Variants in CDH13 observed in about 807,000 individuals in gnomAD.
The protein encoded by CDH13 is cadherin-13.
A neutral mutation model predicts 63.8 loss-of-function variants in CDH13; 24 were observed. That is an observed-to-expected ratio of 0.38 (90% CI 0.27 to 0.53). The LOEUF is 0.53. Ranked by LOEUF, CDH13 falls within the 20% of genes least tolerant of loss-of-function variation. The pLI is 0.85. For synonymous variants in CDH13, 503 were observed against 355.3 expected (o/e 1.42, Z -4.67); for missense variants, 1,049 against 903.1 (o/e 1.16, Z -2.07).
intron 10 of CDH13, among the ~76,000 whole-genome samples, chr16:83,693,298 G>T (rs1905078170): frequency 6.6e-6 from 1 of 152,160 alleles, no homozygotes; most frequent in South Asian, 2.1e-4. Context: ...CAGAATAAAA[G>T]AATTCAGGGA....
chr16:83,306,902 A>G (rs999900448), intron 5 of CDH13, among the ~76,000 whole-genome samples: 24 of 152,354 alleles, frequency 1.6e-4, no homozygotes, highest in African/African-American at 5.8e-4. Context: ...GGCTAAGACA[A>G]TCAGACCTAT....
intron 5 of CDH13, among the ~76,000 whole-genome samples, chr16:83,224,766 G>A (rs1266613900): frequency 6.6e-6 from 1 of 152,168 alleles, no homozygotes; most frequent in Admixed American, 6.5e-5. Context: ...CTCATTTTTA[G>A]AATGAGAGTG....
chr16:83,436,124 C>T (rs2072293556), intron 6 of CDH13, among the ~76,000 whole-genome samples: 1 of 152,090 alleles, frequency 6.6e-6, no homozygotes, highest in African/African-American at 2.4e-5. Flanking sequence ...GATTTGGTTC[C>T]AAATGTCACC....
chr16:83,415,375 C>T (rs138378369), intron 6 of CDH13, among the ~76,000 whole-genome samples: 24 of 152,226 alleles, frequency 1.6e-4, no homozygotes, highest in African/African-American at 4.1e-4. Context: ...CAAACTCTTC[C>T]GAACAGCTGG....
At chr16:82,675,295 A>T (rs936934223) in intron 1 of CDH13, among the ~76,000 whole-genome samples, 2 of 152,062 alleles carry the variant, frequency 1.3e-5, no homozygotes. Flanking sequence ...TCATAAATTT[A>T]TCTAGCCCAT....
At chr16:82,775,566 A>G (rs2035455581) in intron 1 of CDH13, among the ~76,000 whole-genome samples, 1 of 152,204 alleles carries the variant, frequency 6.6e-6, no homozygotes, top group African/African-American at 2.4e-5. Flanking sequence ...GCTATGGGAA[A>G]GGTACTCTGT....
chr16:83,028,671 T>C (rs2151467488), intron 2 of CDH13, among the ~76,000 whole-genome samples: 1 of 152,294 alleles, frequency 6.6e-6, no homozygotes, highest in African/African-American at 2.4e-5. Flanking sequence ...CACAGTAAAA[T>C]ATTAACAACA....
intron 7 of CDH13, 24 bp from the exon 8 acceptor site, chr16:83,602,430 T>C: frequency 6.2e-7 from 1 of 1,613,744 alleles, no homozygotes; most frequent in Non-Finnish European, 8.5e-7. Flanking sequence ...TGTCATATTA[T>C]TTCTTTGTGC....
rs141412650 is a variant in CDH13, at chr16:82,660,811, C to G, written c.45+33674C>G. On this transcript the variant is annotated intron_variant, in intron 1 of 13. Coordinates refer to ENST00000567109, the MANE Select transcript of CDH13 (RefSeq NM_001257.5). Reference sequence around the variant, plus strand: ...CCCCCTCGTTTTATTTAGACGTCTGCTGCTGCTGCTTCAATTTTGTTCCGG... The same window carrying G: ...CCCCCTCGTTTTATTTAGACGTCTGGTGCTGCTGCTTCAATTTTGTTCCGG... Among the ~76,000 whole-genome samples, 188 of 152,238 alleles carry G rather than the reference C, an allele frequency of 1.2e-3. 1 individual carries two copies. Among genetic ancestry groups the G allele is most frequent in the African/African-American group, 4.3e-3 (179 of 41,520 alleles).
intron 10 of CDH13, among the ~76,000 whole-genome samples, chr16:83,711,197 A>G (rs1176166815): frequency 1.3e-5 from 2 of 152,238 alleles, no homozygotes; most frequent in African/African-American, 4.8e-5. Context: ...CTATCCCATT[A>G]GAAAGTCAAT....
chr16:83,779,405 T>TAAAAAAAAAAAAAAAAAAAAAAAAAAAAA lies in CDH13; in HGVS notation c.1682-563_1682-562insAAAAAAAAAAAAAAAAAAAAAAAAAAAAA, dbSNP rs1174439191. 3.0e-5 allele frequency among the ~76,000 whole-genome samples: 2 copies of TAAAAAAAAAAAAAAAAAAAAAAAAAAAAA among 67,786 alleles called. 1 individual carries two copies. The highest frequency in any genetic ancestry group is 5.1e-5 in the Non-Finnish European group (2 of 39,164). 44.5% of individuals were successfully genotyped at this position (67,786 alleles called of 152,430 possible). On this transcript the variant is annotated intron_variant, in intron 11 of 13. Coordinates refer to ENST00000567109, the MANE Select transcript of CDH13 (RefSeq NM_001257.5). ...CCGGGCGACAGCGCGAGACTCCATC[T>TAAAAAAAAAAAAAAAAAAAAAAAAAAAAA]CAAAAAAAAAAAAAAAAAAAAAAAA...
At chr16:83,171,799 T>G (rs1008708934) in intron 4 of CDH13, among the ~76,000 whole-genome samples, 1 of 152,118 alleles carries the variant, frequency 6.6e-6, no homozygotes, top group African/African-American at 2.4e-5. Flanking sequence ...CCTGACATCT[T>G]TCTTGCAAAG....
intron 4 of CDH13, among the ~76,000 whole-genome samples, chr16:83,182,659 G>A (rs141069058): frequency 8.5e-4 from 129 of 152,280 alleles, no homozygotes; most frequent in African/African-American, 3.0e-3. Context: ...ACTAACATTT[G>A]TATAGTTCTT....
chr16:83,548,888 G>A (rs2075437593), intron 7 of CDH13, among the ~76,000 whole-genome samples: 1 of 152,122 alleles, frequency 6.6e-6, no homozygotes, highest in South Asian at 2.1e-4. Flanking sequence ...TTGCAAAATA[G>A]ACAAGGGTAA....
At chr16:82,893,526 C>T (rs1432980169) in intron 2 of CDH13, among the ~76,000 whole-genome samples, 2 of 152,296 alleles carry the variant, frequency 1.3e-5, no homozygotes, top group African/African-American at 2.4e-5. Context: ...TGGAGAAATA[C>T]AGTATACCAC....
At chr16:83,484,618 G>A (rs2073845543) in intron 6 of CDH13, among the ~76,000 whole-genome samples, 3 of 152,152 alleles carry the variant, frequency 2.0e-5, no homozygotes, top group Admixed American at 2.0e-4. Context: ...TGTTATAGAT[G>A]AGGCCAACAT....
chr16:83,325,393 C>G (rs572186056), intron 5 of CDH13, among the ~76,000 whole-genome samples: 8 of 152,100 alleles, frequency 5.3e-5, no homozygotes, highest in Non-Finnish European at 1.0e-4. Flanking sequence ...CACCCCAAAT[C>G]TTTAACTACT....
intron 1 of CDH13, among the ~76,000 whole-genome samples, chr16:82,676,034 A>AGG (rs1856468197): frequency 6.6e-6 from 1 of 152,214 alleles, no homozygotes; most frequent in South Asian, 2.1e-4. Flanking sequence ...GAAAGGAGGG[A>AGG]GAAAAGATTG....
chr16:83,144,330 A>G (rs930399091), intron 4 of CDH13, among the ~76,000 whole-genome samples: 1 of 152,190 alleles, frequency 6.6e-6, no homozygotes, highest in Non-Finnish European at 1.5e-5. Flanking sequence ...CCTAACCAAT[A>G]TGCTACTGTA....
Sources: gnomAD v4.1 joint callset for allele counts (sites outside exome capture counted in the v4.1 genomes callset) on GRCh38, gnomAD v4.1.1 for gene constraint, MANE v1.5 for transcripts, NCBI Gene and HGNC (gene_info 2026-07-23, HGNC 2026-07-21) for gene names.